Variants in KIF1A observed in about 807,000 individuals in gnomAD.
KIF1A encodes kinesin-like protein KIF1A.
Under a neutral mutation model 227.3 loss-of-function variants are expected in KIF1A, and 46 were observed. The observed-to-expected ratio is 0.20, with a 90% confidence interval of 0.16 to 0.26. KIF1A has a LOEUF of 0.26. Ranked by LOEUF, KIF1A falls within the 10% of genes least tolerant of loss-of-function variation. The pLI is 1.00. For missense variants in KIF1A, 1,683 were observed against 2,485.9 expected (o/e 0.68, Z 6.87); for synonymous variants, 1,022 against 1,012.8 (o/e 1.01, Z -0.17).
intron 2 of KIF1A, among the ~76,000 whole-genome samples, chr2:240,791,706 G>A (rs1575643837): frequency 6.6e-6 from 1 of 152,202 alleles, no homozygotes; most frequent in East Asian, 1.9e-4. Context: ...TGAGGTGGGG[G>A]CCCTCTGGGA....
Position 240,722,599 on chromosome 2 carries a change from G to A in KIF1A, c.4522C>T (p.Pro1508Ser). The A allele has an allele frequency of 6.4e-7, 1 of 1,564,462 alleles. No homozygotes were observed. Among genetic ancestry groups the A allele is most frequent in the Non-Finnish European group, 8.7e-7 (1 of 1,154,430 alleles). The change falls in exon 43 of 49, where the codon CCT becomes TCT. Residue 1508 changes from proline to serine, a missense_variant. Physicochemically the swap from Pro to Ser is moderately conservative, Grantham distance 74 (BLOSUM62 -1). This residue lies in a region of KIF1A where 384 missense variants were observed against 410.1 expected (regional missense o/e 0.94). Transcript: ENST00000498729. ...LREKLETAQR[P>S]VPEALSPAFS... ...GCCGGGGACAGTGCCTCCGGGACAG[G>A]CCGCTGGGCGGTCTCCAGCTTCTCC...
chr2:240,740,780 C>T lies in KIF1A; in HGVS notation c.3750-416G>A, dbSNP rs768187966. ...TCCTGTCCCACTCTGGGCAAGGATC[C>T]GAGTCTCCACCAGGCCCCACTCTGA... On this transcript the variant is annotated intron_variant, in intron 35 of 48. Transcript: ENST00000498729. This position sits in a 1 kb window ranked among gnomAD's most constrained non-coding sequence, Gnocchi z 6.1. Among the ~76,000 whole-genome samples the T allele has an allele frequency of 4.6e-5, 7 of 152,042 alleles. No individual in the cohort carries two copies. The highest frequency in any genetic ancestry group is 1.3e-4 in the Admixed American group (2 of 15,262).
chr2:240,815,494 G>T (rs899482361), intron 1 of KIF1A, among the ~76,000 whole-genome samples: 2 of 152,060 alleles, frequency 1.3e-5, no homozygotes, highest in African/African-American at 4.8e-5. Flanking sequence ...CCTAAGCCAG[G>T]CTCAGGAATC....
At chr2:240,809,527 T>C (rs2057696710) in intron 1 of KIF1A, among the ~76,000 whole-genome samples, 1 of 152,228 alleles carries the variant, frequency 6.6e-6, no homozygotes, top group Admixed American at 6.5e-5. Context: ...GGAACACTGG[T>C]TGGCAATATG....
chr2:240,786,798 GGGC>G (rs1559530202), intron 5 of KIF1A, among the ~76,000 whole-genome samples: 1,603 of 149,468 alleles, frequency 0.011, 201 homozygotes, highest in African/African-American at 0.037. Context: ...GAGGGGGTGG[GGGC>G]TGCCATCAGG....
Position 240,716,967 on chromosome 2 carries a change from T to G in KIF1A, c.*397A>C, listed in dbSNP as rs2044645457. ...CAGGGCTATGTGGAGGCATTAGAAA[T>G]AAATACTTATAAATAGAACAAGTCT... On this transcript the variant is annotated 3_prime_UTR_variant, in exon 49 of 49. Transcript: ENST00000498729. 1 of 177,442 alleles carries G rather than the reference T, an allele frequency of 5.6e-6. No individual in the cohort carries two copies. The highest frequency in any genetic ancestry group is 1.2e-5 in the Non-Finnish European group (1 of 84,660). The allele number at this position is 177,442 out of a possible 1,614,324, so 11.0% of individuals were successfully genotyped here.
intron 2 of KIF1A, among the ~76,000 whole-genome samples, chr2:240,796,159 G>A (rs1214677841): frequency 6.6e-6 from 1 of 152,144 alleles, no homozygotes. Flanking sequence ...ACCCGGAGTC[G>A]AAGGTCACAC....
Position 240,758,416 on chromosome 2 carries a change from C to T in KIF1A, c.2526G>A (p.Val842=), listed in dbSNP as rs766009959. 1.2e-6 allele frequency: 2 copies of T among 1,612,930 alleles called. No homozygotes were observed. Among genetic ancestry groups the T allele is most frequent in the Non-Finnish European group, 1.7e-6 (2 of 1,179,360 alleles). ...PSSVIEDCDN[V]VTGGDPFYDR... Reference sequence around the variant, plus strand: ...CATAGAAGGGGTCTCCGCCGGTCACCACGTTGTCACAGTCCTCGATGACAC... The same window carrying T: ...CATAGAAGGGGTCTCCGCCGGTCACTACGTTGTCACAGTCCTCGATGACAC... Residue 842 remains valine, a synonymous_variant, in exon 26 of 49, where the codon GTG becomes GTA. Transcript: ENST00000498729. This position sits in a 1 kb window ranked among gnomAD's most constrained non-coding sequence, Gnocchi z 5.2.
At chr2:240,798,771 GAC>G (rs954393260) in intron 1 of KIF1A, among the ~76,000 whole-genome samples, 9 of 152,246 alleles carry the variant, frequency 5.9e-5, no homozygotes, top group Non-Finnish European at 1.3e-4. Context: ...TGGGCACAGG[GAC>G]AGGGACAGCC....
rs947564195 is a variant in KIF1A, at chr2:240,778,769, G to T, written c.883-2843C>A. 2.0e-5 allele frequency among the ~76,000 whole-genome samples: 3 copies of T among 150,782 alleles called. No homozygotes were observed. The highest frequency in any genetic ancestry group is 7.3e-5 in the African/African-American group (3 of 40,868). ...TCTGCAGCTTTCCTCACGATTCTGC[G>T]CACCGTTCCACACACGGTTCCTCAC... On this transcript the variant is annotated intron_variant, in intron 10 of 48. Transcript: ENST00000498729. The surrounding 1 kb of genome is among the most constrained non-coding windows in gnomAD (Gnocchi z 7.2).
chr2:240,735,474 G>T (rs2047208836), intron 38 of KIF1A, among the ~76,000 whole-genome samples: 1 of 152,214 alleles, frequency 6.6e-6, no homozygotes. Flanking sequence ...GAGATAGCAG[G>T]TGGGGTTGGG....
At chr2:240,777,345 CTAGTT>C (rs1269346891) in intron 10 of KIF1A, among the ~76,000 whole-genome samples, 1 of 152,184 alleles carries the variant, frequency 6.6e-6, no homozygotes, top group Non-Finnish European at 1.5e-5. Context: ...CGCCCGGCCT[CTAGTT>C]TGGTTTTTGA....
At chr2:240,770,662 G>A (rs538612798) in intron 15 of KIF1A, among the ~76,000 whole-genome samples, 3 of 152,346 alleles carry the variant, frequency 2.0e-5, no homozygotes, top group Admixed American at 6.5e-5. Flanking sequence ...GGCTTGGCAT[G>A]GGTAGGGGCA....
Position 240,766,848 on chromosome 2 carries a change from C to T in KIF1A, c.1684+67G>A. 1 of 1,127,964 alleles carries T rather than the reference C, an allele frequency of 8.9e-7. No homozygotes were observed. The highest frequency in any genetic ancestry group is 1.3e-6 in the Non-Finnish European group (1 of 770,512). The allele number at this position is 1,127,964 out of a possible 1,614,324, so 69.9% of individuals were successfully genotyped here. ...GCTGGGTAAGCTGGGAGAGGGTGAC[C>T]TCATTCAGGCCTGATCATCACGGCA... is the stretch of plus-strand genomic sequence containing the variant. On this transcript the variant is annotated intron_variant, in intron 19 of 48. Coordinates refer to ENST00000498729, the MANE Select transcript of KIF1A (RefSeq NM_001244008.2). This position sits in a 1 kb window ranked among gnomAD's most constrained non-coding sequence, Gnocchi z 5.0.
chr2:240,750,602 C>T lies in KIF1A; in HGVS notation c.2859-55G>A, dbSNP rs544019455. On this transcript the variant is annotated intron_variant, in intron 27 of 48. Coordinates refer to ENST00000498729, the MANE Select transcript of KIF1A (RefSeq NM_001244008.2). ...GCCACCCCTCCACGCATGTTCTGAA[C>T]GGCAGCGGTGGCAGCATGGCCTGGC... The T allele has an allele frequency of 2.8e-4, 363 of 1,302,272 alleles. 2 individuals carry two copies. The highest frequency in any genetic ancestry group is 5.6e-4 in the East Asian group (24 of 42,526). The allele number at this position is 1,302,272 out of a possible 1,614,324, so 80.7% of individuals were successfully genotyped here. A position where few individuals can be genotyped will look rare whatever the true frequency, so the allele number is the denominator to read the frequency against.
intron 38 of KIF1A, among the ~76,000 whole-genome samples, chr2:240,733,013 G>GAATGAGGGAGGGATGAGGGA (rs2046925994): frequency 3.2e-5 from 4 of 125,236 alleles, no homozygotes; most frequent in African/African-American, 1.2e-4. Flanking sequence ...GGGATGAGGG[G>GAATGAGGGAGGGATGAGGGA]GAATGAGGGA....
intron 40 of KIF1A, 146 bp from the exon 41 acceptor site, chr2:240,724,182 C>G: frequency 1.4e-6 from 1 of 727,176 alleles, no homozygotes. Context: ...AGCTACAGCC[C>G]CTGTTCAGAG....
intron 7 of KIF1A, 100 bp from the exon 8 acceptor site, chr2:240,783,916 G>A: frequency 2.2e-6 from 2 of 916,048 alleles, no homozygotes; most frequent in Non-Finnish European, 1.7e-6. Flanking sequence ...AAGGAGCCCT[G>A]GCCAAGCGTC....
chr2:240,817,835 C>A (rs1055009768), intron 1 of KIF1A, among the ~76,000 whole-genome samples: 1 of 152,218 alleles, frequency 6.6e-6, no homozygotes, highest in Admixed American at 6.5e-5. Flanking sequence ...ACCCTACTCC[C>A]AAAGGGCATG....
Sources: gnomAD v4.1 joint callset for allele counts (sites outside exome capture counted in the v4.1 genomes callset) on GRCh38, gnomAD v4.1.1 for gene constraint, gnomAD v4.1.1 regional missense constraint, Gnocchi (gnomAD v3.1) non-coding constraint, MANE v1.5 for transcripts, NCBI Gene and HGNC (gene_info 2026-07-23, HGNC 2026-07-21) for gene names.